DNAH11: variants seen among roughly 807,000 people sequenced by gnomAD.
DNAH11 encodes the protein axonemal beta dynein heavy chain 11.
DNAH11 carries 442 observed loss-of-function variants against 526.0 expected under a neutral mutation model. The observed-to-expected ratio is 0.84, with a 90% confidence interval of 0.78 to 0.91. The LOEUF (loss-of-function observed/expected upper bound fraction) is 0.91, where lower values mean the gene tolerates loss of function less well. Ranked by LOEUF, DNAH11 falls within the 40% of genes least tolerant of loss-of-function variation. DNAH11 has a pLI of 0.00. For synonymous variants in DNAH11, 2,461 were observed against 1,935.9 expected (o/e 1.27, Z -7.12); for missense variants, 6,989 against 5,448.7 (o/e 1.28, Z -8.90).
intron 57 of DNAH11, among the ~76,000 whole-genome samples, chr7:21,783,341 A>C (rs1393811214): frequency 6.6e-6 from 1 of 152,256 alleles, no homozygotes; most frequent in Non-Finnish European, 1.5e-5. Context: ...ATGGTTAATC[A>C]GGAGAAGGGT....
intron 31 of DNAH11, among the ~76,000 whole-genome samples, chr7:21,682,540 A>G (rs1221932941): frequency 6.6e-6 from 1 of 151,760 alleles, no homozygotes; most frequent in East Asian, 1.9e-4. Flanking sequence ...AAAAAAAAAA[A>G]AAAAAAAAAA....
intron 62 of DNAH11, 27 bp downstream of exon 62, chr7:21,801,302 A>C (rs761953724): frequency 1.2e-6 from 2 of 1,612,766 alleles, no homozygotes; most frequent in African/African-American, 2.7e-5. Flanking sequence ...CAAACATTCT[A>C]ACTAAAATGT....
intron 30 of DNAH11, among the ~76,000 whole-genome samples, chr7:21,676,566 A>G (rs777178222): frequency 5.9e-5 from 9 of 152,238 alleles, no homozygotes; most frequent in Non-Finnish European, 1.3e-4. Flanking sequence ...GATCCCCAGC[A>G]TATGATGCTG....
intron 54 of DNAH11, among the ~76,000 whole-genome samples, chr7:21,756,104 G>A (rs1786624152): frequency 6.6e-6 from 1 of 151,582 alleles, no homozygotes; most frequent in South Asian, 2.1e-4. Context: ...CATGTGTTAA[G>A]GCTTTTTTAG....
At chr7:21,750,703 G>C (rs1786375811) in intron 54 of DNAH11, among the ~76,000 whole-genome samples, 1 of 152,160 alleles carries the variant, frequency 6.6e-6, no homozygotes, top group Non-Finnish European at 1.5e-5. Context: ...GAGGAGCGCA[G>C]CATCCTTCCT....
intron 28 of DNAH11, among the ~76,000 whole-genome samples, chr7:21,649,429 G>T (rs1185079372): frequency 4.6e-5 from 7 of 152,054 alleles, no homozygotes; most frequent in African/African-American, 1.7e-4. Context: ...TTTATATATT[G>T]TATTGTCTTT....
intron 51 of DNAH11, among the ~76,000 whole-genome samples, chr7:21,746,079 G>A (rs998109206): frequency 2.0e-5 from 3 of 152,210 alleles, no homozygotes; most frequent in Non-Finnish European, 4.4e-5. Context: ...TTTATTCTAA[G>A]TGCAGTGAGA....
intron 54 of DNAH11, among the ~76,000 whole-genome samples, chr7:21,762,650 C>T (rs757350791): frequency 3.3e-5 from 5 of 151,980 alleles, no homozygotes; most frequent in Non-Finnish European, 7.4e-5. Flanking sequence ...TAGAGTTTTA[C>T]ATAATGAAAA....
chr7:21,855,405 C>A (rs1169376812), intron 68 of DNAH11, among the ~76,000 whole-genome samples: 2 of 152,108 alleles, frequency 1.3e-5, no homozygotes, highest in Non-Finnish European at 2.9e-5. Context: ...AAAGAGAATG[C>A]TCATATTTCT....
chr7:21,824,953 C>T (rs1790211639), intron 65 of DNAH11, among the ~76,000 whole-genome samples: 1 of 152,090 alleles, frequency 6.6e-6, no homozygotes, highest in Non-Finnish European at 1.5e-5. Context: ...CTCATTGCAA[C>T]CTCCACCTCC....
At chr7:21,879,552 G>C (rs1260621081) in intron 74 of DNAH11, among the ~76,000 whole-genome samples, 1 of 152,070 alleles carries the variant, frequency 6.6e-6, no homozygotes, top group East Asian at 1.9e-4. Context: ...TTTACTTTTA[G>C]TTCATTGGAA....
At chr7:21,885,781 C>T (rs1784104782) in intron 76 of DNAH11, among the ~76,000 whole-genome samples, 1 of 152,118 alleles carries the variant, frequency 6.6e-6, no homozygotes. Flanking sequence ...ATTTGAGAAC[C>T]TCATTCTTCC....
At chr7:21,825,095 T>A (rs1000009004) in intron 65 of DNAH11, among the ~76,000 whole-genome samples, 1 of 152,126 alleles carries the variant, frequency 6.6e-6, no homozygotes, top group Admixed American at 6.5e-5. Context: ...GGTCTCGAAC[T>A]CCTGACCTTA....
intron 30 of DNAH11, among the ~76,000 whole-genome samples, chr7:21,667,427 TG>T (rs1288008178): frequency 6.6e-6 from 1 of 152,144 alleles, no homozygotes; most frequent in Non-Finnish European, 1.5e-5. Context: ...ATTCATAATT[TG>T]TAAGTGAATA....
intron 65 of DNAH11, among the ~76,000 whole-genome samples, chr7:21,839,058 C>T (rs1782104733): frequency 6.6e-6 from 1 of 152,146 alleles, no homozygotes; most frequent in African/African-American, 2.4e-5. Context: ...TGGTACCTCA[C>T]TAAGGCTTTG....
intron 28 of DNAH11, among the ~76,000 whole-genome samples, chr7:21,650,026 T>C (rs1392632361): frequency 6.6e-6 from 1 of 152,184 alleles, no homozygotes; most frequent in Admixed American, 6.5e-5. Context: ...TTAAAATTTA[T>C]TAAGTTGTAC....
chr7:21,546,484 G>T (rs1782810380), intron 2 of DNAH11, among the ~76,000 whole-genome samples: 1 of 152,172 alleles, frequency 6.6e-6, no homozygotes, highest in African/African-American at 2.4e-5. Flanking sequence ...GAGGGGCAGG[G>T]CTACACTGTG....
At chr7:21,784,343 G>A in intron 57 of DNAH11, 84 bp from the exon 58 acceptor site, 3 of 963,528 alleles carry the variant, frequency 3.1e-6, no homozygotes, top group Non-Finnish European at 4.9e-6. Context: ...ATTTAACAGT[G>A]CATCTGAGTC....
At chr7:21,885,195 C>T (rs1331900771) in intron 76 of DNAH11, among the ~76,000 whole-genome samples, 1 of 43,406 alleles carries the variant, frequency 2.3e-5, no homozygotes, top group East Asian at 6.3e-4. Flanking sequence ...AAAACACACA[C>T]ATTTATGACA....
Sources: gnomAD v4.1 joint callset for allele counts (sites outside exome capture counted in the v4.1 genomes callset) on GRCh38, gnomAD v4.1.1 for gene constraint, MANE v1.5 for transcripts, NCBI Gene and HGNC (gene_info 2026-07-23, HGNC 2026-07-21) for gene names.